CDH18: variants seen among roughly 807,000 people sequenced by gnomAD.
CDH18 encodes cadherin 18, also known as cadherin-18.
In CDH18, 31 loss-of-function variants were observed where a neutral mutation model predicts 67.9. That is an observed-to-expected ratio of 0.46 (90% CI 0.34 to 0.62). The LOEUF (loss-of-function observed/expected upper bound fraction) is 0.62, where lower values mean the gene tolerates loss of function less well. CDH18 is among the 20% of genes least tolerant of loss of function. CDH18 has a pLI of 0.01. For synonymous variants in CDH18, 362 were observed against 347.2 expected, an observed-to-expected ratio of 1.04 and a Z score of -0.48; for missense variants, 890 against 975.5, an observed-to-expected ratio of 0.91 and a Z score of 1.17.
At chr5:20,460,420 TAAATAAATAAATAAATAAATA>T (rs1170755760) in intron 1 of CDH18, among the ~76,000 whole-genome samples, 12 of 150,668 alleles carry the variant, frequency 8.0e-5, no homozygotes, top group Non-Finnish European at 1.6e-4. Flanking sequence ...AATAAATAAA[TAAATAAATAAATAAATAAATA>T]AAATATGTTG....
intron 4 of CDH18, among the ~76,000 whole-genome samples, chr5:19,736,504 A>G (rs1768347554): frequency 1.3e-5 from 2 of 152,176 alleles, no homozygotes; most frequent in African/African-American, 4.8e-5. Context: ...TTTGTAATAT[A>G]TATTCTTATA....
intron 2 of CDH18, among the ~76,000 whole-genome samples, chr5:20,140,255 G>A (rs1410693031): frequency 6.6e-6 from 1 of 152,052 alleles, no homozygotes; most frequent in African/African-American, 2.4e-5. Flanking sequence ...ACTCATAGGT[G>A]GGAATTGAAC....
In CDH18 at chr5:19,721,407, C is replaced by T. The variant is rs759064016; in HGVS notation, c.583G>A (p.Ala195Thr). 8.1e-6 allele frequency: 13 copies of T among 1,610,414 alleles called. No individual in the cohort carries two copies. The highest frequency in any genetic ancestry group is 5.0e-5 in the Admixed American group (3 of 59,956). The change falls in exon 5 of 13, where the codon GCT (alanine) becomes ACT (threonine). Residue 195 changes from alanine (A) to threonine (T), a missense_variant. Transcript: ENST00000382275. ...DADDPTYGNS[A>T]RVVYSILQGQ... Reference sequence around the variant, plus strand: ...TGGAGAATGCTGTAAACCACCCGAGCGCTGTTTCCATAGGTAGGGTCATCT... The same window carrying T: ...TGGAGAATGCTGTAAACCACCCGAGTGCTGTTTCCATAGGTAGGGTCATCT...
chr5:20,282,096 G>A (rs2126703695), intron 1 of CDH18, among the ~76,000 whole-genome samples: 1 of 152,248 alleles, frequency 6.6e-6, no homozygotes, highest in South Asian at 2.1e-4. Flanking sequence ...TTGCTTATCA[G>A]CTTAAGGAGA....
chr5:20,287,799 C>T (rs1475168861), intron 1 of CDH18, among the ~76,000 whole-genome samples: 1 of 151,634 alleles, frequency 6.6e-6, no homozygotes, highest in East Asian at 1.9e-4. Flanking sequence ...GTTGTGACTT[C>T]TCGGTATCAC....
chr5:19,839,620 TAAGTA>T (rs1200717791), intron 2 of CDH18, among the ~76,000 whole-genome samples: 1 of 151,998 alleles, frequency 6.6e-6, no homozygotes, highest in Non-Finnish European at 1.5e-5. Flanking sequence ...AAGTGCTCAG[TAAGTA>T]AAGTGGAAGA....
At chr5:20,464,110 T>C (rs1751465399) in intron 1 of CDH18, among the ~76,000 whole-genome samples, 1 of 152,136 alleles carries the variant, frequency 6.6e-6, no homozygotes, top group Non-Finnish European at 1.5e-5. Flanking sequence ...AAAAATATTC[T>C]AACTGATGAG....
At position 20,359,539 on chromosome 5, in the gene CDH18, A is replaced by G. The variant is rs542561406; in HGVS notation, c.-579-104034T>C. On this transcript the variant is annotated intron_variant, in intron 1 of 14. Coordinates refer to the CDH18 transcript ENST00000507958. Reference sequence around the variant, plus strand: ...AAACTATGGCCTTTAAGTACTTAACATTCTTTAAACTTCGGTGCCCCTGTC... The same window carrying G: ...AAACTATGGCCTTTAAGTACTTAACGTTCTTTAAACTTCGGTGCCCCTGTC... 9.2e-5 allele frequency among the ~76,000 whole-genome samples: 14 copies of G among 152,288 alleles called. No homozygotes were observed. The South Asian group carries it at 2.5e-3, about 27-fold the overall frequency.
chr5:19,716,572 G>A (rs1430700582), intron 5 of CDH18, among the ~76,000 whole-genome samples: 1 of 151,622 alleles, frequency 6.6e-6, no homozygotes, highest in African/African-American at 2.4e-5. Flanking sequence ...TTGATGCTAA[G>A]TGTTCTTAGC....
At chr5:19,552,988 G>A (rs955299077) in intron 8 of CDH18, among the ~76,000 whole-genome samples, 2 of 152,142 alleles carry the variant, frequency 1.3e-5, no homozygotes, top group African/African-American at 4.8e-5. Context: ...ATATTGAAGT[G>A]AGATGAAAAT....
chr5:20,140,458 A>G (rs949749248), intron 2 of CDH18, among the ~76,000 whole-genome samples: 26 of 152,128 alleles, frequency 1.7e-4, no homozygotes, highest in African/African-American at 6.3e-4. Flanking sequence ...CTAGAACTTA[A>G]AGTATAATAA....
intron 2 of CDH18, among the ~76,000 whole-genome samples, chr5:20,041,891 T>C (rs1411390654): frequency 1.3e-5 from 2 of 152,226 alleles, no homozygotes; most frequent in East Asian, 1.9e-4. Flanking sequence ...TAACAGATCA[T>C]TTGTATTATT....
chr5:20,533,105 C>G (rs1270222912), intron 1 of CDH18, among the ~76,000 whole-genome samples: 1 of 152,046 alleles, frequency 6.6e-6, no homozygotes, highest in Non-Finnish European at 1.5e-5. Context: ...GAAACAGACA[C>G]TCACTCGGGG....
intron 1 of CDH18, among the ~76,000 whole-genome samples, chr5:20,331,779 A>G (rs1739214325): frequency 6.6e-6 from 1 of 152,228 alleles, no homozygotes; most frequent in South Asian, 2.1e-4. Context: ...TCTTTGTAAC[A>G]TATTTCAATA....
At chr5:20,096,714 T>C (rs1371338343) in intron 2 of CDH18, among the ~76,000 whole-genome samples, 1 of 152,068 alleles carries the variant, frequency 6.6e-6, no homozygotes, top group Non-Finnish European at 1.5e-5. Flanking sequence ...TGCCTTTTGC[T>C]AAAAAGGATC....
chr5:20,304,432 CTCT>C (rs1191694444), intron 1 of CDH18: 3 of 1,488,760 alleles, frequency 2.0e-6, no homozygotes, highest in Admixed American at 3.4e-5. Flanking sequence ...GCTCATGATT[CTCT>C]TCTTCATCTC....
intron 1 of CDH18, among the ~76,000 whole-genome samples, chr5:20,391,671 C>A (rs72745083): frequency 0.15 from 23,284 of 151,880 alleles, 2,262 homozygotes; most frequent in East Asian, 0.28. Flanking sequence ...TGTTTGCAGA[C>A]AAACAAATTT....
intron 1 of CDH18, among the ~76,000 whole-genome samples, chr5:20,376,469 G>C (rs1387341557): frequency 6.6e-6 from 1 of 150,550 alleles, no homozygotes; most frequent in Non-Finnish European, 1.5e-5. Context: ...ATATGTGTTT[G>C]CTTTCAATTG....
At chr5:19,780,569 A>G (rs1188887146) in intron 3 of CDH18, among the ~76,000 whole-genome samples, 1 of 152,116 alleles carries the variant, frequency 6.6e-6, no homozygotes, top group African/African-American at 2.4e-5. Context: ...GCTTCTAGAC[A>G]CTTTTGTTTC....
Sources: gnomAD v4.1 joint callset for allele counts (sites outside exome capture counted in the v4.1 genomes callset) on GRCh38, gnomAD v4.1.1 for gene constraint, MANE v1.5 for transcripts, NCBI Gene and HGNC (gene_info 2026-07-23, HGNC 2026-07-21) for gene names.